Variants in CELF2 observed in about 807,000 individuals in gnomAD.
The protein encoded by CELF2 is CUG triplet repeat RNA-binding protein 2.
A neutral mutation model predicts 62.6 loss-of-function variants in CELF2; 8 were observed. The ratio of observed to expected loss-of-function variants is 0.13; its 90% CI spans 0.07 to 0.23. The LOEUF (loss-of-function observed/expected upper bound fraction) is 0.23, where lower values mean the gene tolerates loss of function less well. Ranked by LOEUF, CELF2 falls within the 10% of genes least tolerant of loss-of-function variation. The pLI is 1.00. For missense variants in CELF2, 333 were observed against 671.0 expected, an observed-to-expected ratio of 0.50 and a Z score of 5.56; for synonymous variants, 258 against 250.0, an observed-to-expected ratio of 1.03 and a Z score of -0.30.
At chr10:10,678,624 G>T in the CELF2 span, among the ~76,000 whole-genome samples, 1 of 152,182 alleles carries the variant, frequency 6.6e-6, no homozygotes, top group Non-Finnish European at 1.5e-5. Flanking sequence ...GCCAGAAACT[G>T]CACCAAATGC....
rs1316220852 is a variant in CELF2 at position 11,315,879 on chromosome 10, C to A, written c.1096+1621C>A. Among the ~76,000 whole-genome samples the A allele has an allele frequency of 6.6e-6, 1 of 152,232 alleles. No homozygotes were observed. Among genetic ancestry groups the A allele is most frequent in the Non-Finnish European group, 1.5e-5 (1 of 68,052 alleles). ...CATCCCCTCATGCTGCTTCTCTTGC[C>A]CCAGGACCTAGTTCCCCTAAAACAA... On this transcript the variant is annotated intron_variant, in intron 10 of 12. Transcript: ENST00000633077. The surrounding 1 kb of genome is among the most constrained non-coding windows in gnomAD (Gnocchi z 5.8).
the CELF2 span, among the ~76,000 whole-genome samples, chr10:10,501,335 A>G: frequency 6.6e-6 from 1 of 152,078 alleles, no homozygotes; most frequent in African/African-American, 2.4e-5. Context: ...TGTGGTTTTA[A>G]TTTGCACTTT....
chr10:10,634,493 C>G, the CELF2 span, among the ~76,000 whole-genome samples: 378 of 152,166 alleles, frequency 2.5e-3, 3 homozygotes, highest in Non-Finnish European at 4.3e-3. Flanking sequence ...ATGCCTTTAT[C>G]TAAATTAGCT....
At chr10:10,568,796 G>A in the CELF2 span, among the ~76,000 whole-genome samples, 3 of 152,122 alleles carry the variant, frequency 2.0e-5, no homozygotes, top group Non-Finnish European at 2.9e-5. Flanking sequence ...AGGTTTTGAA[G>A]TTCTCAATTT....
chr10:11,014,231 C>G (rs1174063448), upstream of CELF2, among the ~76,000 whole-genome samples: 1 of 152,182 alleles, frequency 6.6e-6, no homozygotes, highest in Middle Eastern at 3.2e-3. Context: ...AAAAGAAATC[C>G]TTCAGTAAAG....
chr10:11,044,142 C>G (rs907252390), intron 1 of CELF2, among the ~76,000 whole-genome samples: 29 of 152,210 alleles, frequency 1.9e-4, no homozygotes, highest in African/African-American at 7.0e-4. Context: ...AAAACAGTGT[C>G]CCATCACTTT....
At position 11,069,235 on chromosome 10, in the gene CELF2, C is replaced by T. The variant is rs566661887; in HGVS notation, c.74+51072C>T. Among the ~76,000 whole-genome samples, 324 of 152,188 alleles carry T rather than the reference C, an allele frequency of 2.1e-3. 1 individual carries two copies. The highest frequency in any genetic ancestry group is 7.5e-3 in the African/African-American group (312 of 41,526). ...AAATTAAAAAAAATCTCTGGTTGAA[C>T]AGAGTTTAGAATTGATCATTTTCTC... is the stretch of plus-strand genomic sequence containing the variant. On this transcript the variant is annotated intron_variant, in intron 1 of 12. Transcript: ENST00000633077.
chr10:10,952,518 G>A (rs2048434214), intron 2 of CELF2, among the ~76,000 whole-genome samples: 1 of 152,240 alleles, frequency 6.6e-6, no homozygotes, highest in African/African-American at 2.4e-5. Context: ...GGAAGTTAGA[G>A]CAGAATAGAT....
At chr10:10,473,497 C>T in the CELF2 span, among the ~76,000 whole-genome samples, 1 of 151,970 alleles carries the variant, frequency 6.6e-6, no homozygotes, top group Non-Finnish European at 1.5e-5. Flanking sequence ...AATACAAGTA[C>T]TATTGTTACA....
chr10:10,593,827 C>T, the CELF2 span, among the ~76,000 whole-genome samples: 1 of 152,198 alleles, frequency 6.6e-6, no homozygotes, highest in Non-Finnish European at 1.5e-5. Context: ...ACACATGAGA[C>T]TTTGAGCAAG....
intron 1 of CELF2, among the ~76,000 whole-genome samples, chr10:11,125,248 T>C (rs550201802): frequency 1.3e-5 from 2 of 152,280 alleles, no homozygotes; most frequent in African/African-American, 2.4e-5. Flanking sequence ...CCAGCGGTCT[T>C]ACACCCAGGG....
At chr10:10,817,913 G>A (rs529041125) in intron 1 of CELF2, among the ~76,000 whole-genome samples, 13 of 152,262 alleles carry the variant, frequency 8.5e-5, no homozygotes, top group Admixed American at 8.5e-4. Flanking sequence ...GTGCAAAATA[G>A]ACCTGAATTC....
intron 1 of CELF2, among the ~76,000 whole-genome samples, chr10:11,090,828 G>A (rs1415354139): frequency 6.6e-6 from 1 of 152,192 alleles, no homozygotes; most frequent in Non-Finnish European, 1.5e-5. Flanking sequence ...TGTCATCAAT[G>A]TTTAGGTGAA....
At chr10:10,491,960 T>C in the CELF2 span, among the ~76,000 whole-genome samples, 1 of 152,068 alleles carries the variant, frequency 6.6e-6, no homozygotes, top group African/African-American at 2.4e-5. Context: ...GAATGCCCCA[T>C]CCCTCTCTTT....
intron 2 of CELF2, among the ~76,000 whole-genome samples, chr10:10,941,062 C>G (rs2046995364): frequency 6.6e-6 from 1 of 151,936 alleles, no homozygotes; most frequent in South Asian, 2.1e-4. Context: ...CGAAACAACA[C>G]CAGAGGAAAA....
the CELF2 span, among the ~76,000 whole-genome samples, chr10:10,716,473 C>T: frequency 2.6e-5 from 4 of 152,016 alleles, no homozygotes; most frequent in Non-Finnish European, 5.9e-5. Context: ...CCCAAGAAGT[C>T]GAGGCCTCAG....
At chr10:10,556,826 G>A in the CELF2 span, among the ~76,000 whole-genome samples, 1 of 151,428 alleles carries the variant, frequency 6.6e-6, no homozygotes, top group Non-Finnish European at 1.5e-5. Flanking sequence ...CTGCATAAAT[G>A]TCTTCTTTTG....
At chr10:10,951,250 C>T (rs1341032026) in intron 2 of CELF2, among the ~76,000 whole-genome samples, 1 of 152,122 alleles carries the variant, frequency 6.6e-6, no homozygotes, top group Admixed American at 6.5e-5. Flanking sequence ...CTCAAGCCAT[C>T]CTCCCACCTT....
chr10:10,633,223 G>C, the CELF2 span, among the ~76,000 whole-genome samples: 1 of 152,146 alleles, frequency 6.6e-6, no homozygotes. Flanking sequence ...CTAATAGTTT[G>C]AATAATATGG....
Sources: gnomAD v4.1 joint callset for allele counts (sites outside exome capture counted in the v4.1 genomes callset) on GRCh38, gnomAD v4.1.1 for gene constraint, Gnocchi (gnomAD v3.1) non-coding constraint, MANE v1.5 for transcripts, NCBI Gene and HGNC (gene_info 2026-07-23, HGNC 2026-07-21) for gene names.